Variants in PCDHGA8 observed in about 807,000 individuals in gnomAD.
The protein encoded by PCDHGA8 is protocadherin gamma-A8.
A neutral mutation model predicts 59.2 loss-of-function variants in PCDHGA8; 45 were observed. The observed-to-expected ratio is 0.76, with a 90% confidence interval of 0.60 to 0.98. The LOEUF is 0.98. Ranked by LOEUF, PCDHGA8 falls within the 50% of genes least tolerant of loss-of-function variation. The pLI, the probability that PCDHGA8 is intolerant of heterozygous loss-of-function variation, is 0.00. For synonymous variants in PCDHGA8, 531 were observed against 519.0 expected (o/e 1.02, Z -0.32); for missense variants, 1,257 against 1,196.2 (o/e 1.05, Z -0.75).
At position 141,486,250 on chromosome 5, in the gene PCDHGA8, C is replaced by T; in HGVS notation, c.2425-8557C>T. 1 of 1,614,140 alleles carries T rather than the reference C, an allele frequency of 6.2e-7. No homozygotes were observed. The highest frequency in any genetic ancestry group is 2.2e-5 in the East Asian group (1 of 44,872). On this transcript the variant is annotated intron_variant, in intron 1 of 3. Coordinates refer to ENST00000398604, the MANE Select transcript of PCDHGA8 (RefSeq NM_032088.2). The surrounding 1 kb of genome is among the most constrained non-coding windows in gnomAD (Gnocchi z 5.0). ...CAGTGACCTCAGAGCTTGGAACCCT[C>T]CCCGAGAGTGCAGAACCTGGCACTG...
intron 1 of PCDHGA8, among the ~76,000 whole-genome samples, chr5:141,438,039 C>T (rs1373700448): frequency 6.6e-6 from 1 of 152,024 alleles, no homozygotes; most frequent in Non-Finnish European, 1.5e-5. Flanking sequence ...CCATGCCCGA[C>T]CACTTTGAGT....
rs769074023 is a variant in PCDHGA8, at chr5:141,491,738, G to A, written c.2425-3069G>A. ...GCGCCGCCCCGGGCGACCCCTGGGG[G>A]CGGCACTGGAGAAGCCGCCCGTCCT... On this transcript the variant is annotated intron_variant, in intron 1 of 3. Transcript: ENST00000398604. The surrounding 1 kb of genome is among the most constrained non-coding windows in gnomAD (Gnocchi z 6.9). 6.2e-7 allele frequency: 1 copy of A among 1,600,346 alleles called. No homozygotes were observed. The highest frequency in any genetic ancestry group is 8.5e-7 in the Non-Finnish European group (1 of 1,174,196).
chr5:141,484,949 A>C, intron 1 of PCDHGA8: 1 of 557,400 alleles, frequency 1.8e-6, no homozygotes, highest in Non-Finnish European at 3.2e-6. Context: ...TGCTCAGCCT[A>C]TTGGCTGAGC....
At chr5:141,405,277 T>C (rs770051288) in intron 1 of PCDHGA8, 5 of 1,614,196 alleles carry the variant, frequency 3.1e-6, no homozygotes, top group Non-Finnish European at 4.2e-6. Context: ...AGCCCAACTA[T>C]GCAGACACAC....
Position 141,432,184 on chromosome 5 carries a change from C to T in PCDHGA8, c.2424+36947C>T, listed in dbSNP as rs774512372. 3.7e-6 allele frequency: 6 copies of T among 1,614,164 alleles called. No homozygotes were observed. The highest frequency in any genetic ancestry group is 2.2e-5 in the South Asian group (2 of 91,080). On this transcript the variant is annotated intron_variant, in intron 1 of 3. Transcript: ENST00000398604. The surrounding 1 kb of genome is among the most constrained non-coding windows in gnomAD (Gnocchi z 6.0). Reference sequence around the variant, plus strand: ...GAGGAGTTTCCCTCGTCTCTGTGACCGCCCACGACCCCGACTGTGAAGAGA... The same window carrying T: ...GAGGAGTTTCCCTCGTCTCTGTGACTGCCCACGACCCCGACTGTGAAGAGA...
At chr5:141,405,473 G>A in intron 1 of PCDHGA8, 3 of 1,066,958 alleles carry the variant, frequency 2.8e-6, no homozygotes, top group Non-Finnish European at 4.0e-6. Flanking sequence ...AGGCTGGAAT[G>A]CAGTGGTGTG....
At position 141,394,407 on chromosome 5, in the gene PCDHGA8, G is replaced by A; in HGVS notation, c.1594G>A (p.Val532Ile). 1 of 1,614,240 alleles carries A rather than the reference G, an allele frequency of 6.2e-7. No individual in the cohort carries two copies. The highest frequency in any genetic ancestry group is 1.7e-5 in the Admixed American group (1 of 60,034). The change falls in exon 1 of 4, where the codon GTA becomes ATA. Residue 532 changes from valine to isoleucine, a missense_variant. Coordinates refer to ENST00000398604, the MANE Select transcript of PCDHGA8 (RefSeq NM_032088.2). The part of the protein sequence containing the change: ...YEQIRDLQLL[V>I]TASDSGDPPL... ...GCAGATCCGAGACCTGCAGCTACTG[G>A]TAACAGCCAGCGACAGCGGGGACCC...
intron 1 of PCDHGA8, chr5:141,426,496 G>A: frequency 3.0e-6 from 1 of 337,022 alleles, no homozygotes; most frequent in South Asian, 2.4e-5. Flanking sequence ...AGTTAGTGCA[G>A]AGAAACAATA....
At chr5:141,472,109 A>G (rs1353132107) in intron 1 of PCDHGA8, among the ~76,000 whole-genome samples, 2 of 152,234 alleles carry the variant, frequency 1.3e-5, no homozygotes, top group Non-Finnish European at 2.9e-5. Flanking sequence ...TTTTATACAT[A>G]AAGAAAATAA....
intron 1 of PCDHGA8, among the ~76,000 whole-genome samples, chr5:141,444,029 A>T (rs977610555): frequency 2.6e-5 from 4 of 152,164 alleles, no homozygotes; most frequent in African/African-American, 9.7e-5. Flanking sequence ...AAAGGAATTC[A>T]GTAAATCAGA....
At chr5:141,453,652 T>C (rs1302902554) in intron 1 of PCDHGA8, among the ~76,000 whole-genome samples, 1 of 152,252 alleles carries the variant, frequency 6.6e-6, no homozygotes, top group Non-Finnish European at 1.5e-5. Context: ...TTATGTCCTC[T>C]TCTTTCTTAC....
At chr5:141,401,129 G>A (rs1327832164) in intron 1 of PCDHGA8, among the ~76,000 whole-genome samples, 3 of 152,168 alleles carry the variant, frequency 2.0e-5, no homozygotes, top group African/African-American at 7.2e-5. Context: ...GGATCACATG[G>A]TCAGGAGTTC....
chr5:141,450,645 C>T (rs2098688869), intron 1 of PCDHGA8, among the ~76,000 whole-genome samples: 2 of 151,618 alleles, frequency 1.3e-5, no homozygotes, highest in Non-Finnish European at 2.9e-5. Context: ...TGCCACCATG[C>T]CTGGCTAATT....
chr5:141,507,483 T>G (rs2099860964), intron 3 of PCDHGA8, among the ~76,000 whole-genome samples: 1 of 152,184 alleles, frequency 6.6e-6, no homozygotes, highest in South Asian at 2.1e-4. Context: ...GCTGGCCTCC[T>G]GAGGCAGAGC....
rs776374898 is a variant in PCDHGA8, at chr5:141,414,958, G to A, written c.2424+19721G>A. ...AGAGCCCGGCTACCTGGTGACCAAG[G>A]TGGTGGCGGTGGACAGAGACTCCGG... On this transcript the variant is annotated intron_variant, in intron 1 of 3. Coordinates refer to ENST00000398604, the MANE Select transcript of PCDHGA8 (RefSeq NM_032088.2). The A allele has an allele frequency of 3.7e-6, 6 of 1,614,024 alleles. No homozygotes were observed. The South Asian group carries it at 4.4e-5, about 12-fold the overall frequency.
At chr5:141,426,922 T>C in intron 1 of PCDHGA8, 1 of 456,720 alleles carries the variant, frequency 2.2e-6, no homozygotes, top group Non-Finnish European at 4.4e-6. Flanking sequence ...CTGGAAGCAA[T>C]GGACATGGGT....
At position 141,476,581 on chromosome 5, in the gene PCDHGA8, G is replaced by A. The variant is rs1393235114; in HGVS notation, c.2425-18226G>A. The A allele has an allele frequency of 5.0e-6, 8 of 1,614,230 alleles. No individual in the cohort carries two copies. The highest frequency in any genetic ancestry group is 6.8e-6 in the Non-Finnish European group (8 of 1,180,042). ...CCGTGGCTCCGGGGACGCGCTTTCC[G>A]CTCGAGAGCGCGCACGATCCCGATG... On this transcript the variant is annotated intron_variant, in intron 1 of 3. Transcript: ENST00000398604. This position sits in a 1 kb window ranked among gnomAD's most constrained non-coding sequence, Gnocchi z 7.6.
intron 2 of PCDHGA8, among the ~76,000 whole-genome samples, chr5:141,499,182 C>T (rs980293990): frequency 5.3e-5 from 8 of 152,114 alleles, no homozygotes; most frequent in African/African-American, 1.7e-4. Flanking sequence ...GCCCAGCAAA[C>T]CATTTCCCCC....
Position 141,489,245 on chromosome 5 carries a change from G to A in PCDHGA8, c.2425-5562G>A, listed in dbSNP as rs773391205. 3 of 1,536,634 alleles carry A rather than the reference G, an allele frequency of 2.0e-6. No homozygotes were observed. The South Asian group carries it at 3.9e-5, about 20-fold the overall frequency. On this transcript the variant is annotated intron_variant, in intron 1 of 3. Transcript: ENST00000398604. The surrounding 1 kb of genome is among the most constrained non-coding windows in gnomAD (Gnocchi z 4.5). The stretch of plus-strand genomic sequence containing the variant: ...CCACAAAGGGACTTCTGGGTCATGG[G>A]GCCCAAGACACTCCCACAGCTCGCT...
Sources: allele counts gnomAD v4.1 joint callset (sites outside exome capture counted in the v4.1 genomes callset), GRCh38; gene constraint gnomAD v4.1.1; non-coding constraint Gnocchi (gnomAD v3.1); transcripts MANE v1.5; gene names NCBI Gene and HGNC (gene_info 2026-07-23, HGNC 2026-07-21).